CACNA1A: variants seen among roughly 807,000 people sequenced by gnomAD.
CACNA1A encodes voltage-dependent P/Q-type calcium channel subunit alpha-1A.
CACNA1A carries 57 observed loss-of-function variants against 262.4 expected under a neutral mutation model. The observed-to-expected ratio is 0.22, with a 90% confidence interval of 0.18 to 0.27. CACNA1A has a LOEUF of 0.27. Ranked by LOEUF, CACNA1A falls within the 10% of genes least tolerant of loss-of-function variation. The pLI, the probability that CACNA1A is intolerant of heterozygous loss-of-function variation, is 1.00. For synonymous variants in CACNA1A, 1,431 were observed against 1,419.3 expected (o/e 1.01, Z -0.18); for missense variants, 2,526 against 3,562.8 (o/e 0.71, Z 7.41).
At chr19:13,415,204 G>A (rs182778568) in intron 3 of CACNA1A, among the ~76,000 whole-genome samples, 16 of 152,092 alleles carry the variant, frequency 1.1e-4, no homozygotes, top group South Asian at 4.2e-4. Context: ...GTCTTCCTCC[G>A]AGACAGAGAG....
At chr19:13,309,882 C>T (rs1037807201) in intron 12 of CACNA1A, among the ~76,000 whole-genome samples, 1 of 152,110 alleles carries the variant, frequency 6.6e-6, no homozygotes, top group Non-Finnish European at 1.5e-5. Context: ...CCTTTAGGTA[C>T]ATGCACAATA....
At chr19:13,234,868 G>T in intron 34 of CACNA1A, 53 bp downstream of exon 34, 2 of 1,219,870 alleles carry the variant, frequency 1.6e-6, no homozygotes, top group Non-Finnish European at 2.4e-6. Context: ...AAGGATGAAG[G>T]CAGGCACCCC....
chr19:13,221,212 T>TTTTTCTTTTTTC (rs2055203929), intron 38 of CACNA1A, among the ~76,000 whole-genome samples: 1 of 40,956 alleles, frequency 2.4e-5, no homozygotes, highest in African/African-American at 1.3e-4. Flanking sequence ...TCCCATTTGT[T>TTTTTCTTTTTTC]TTTTCTTTTC....
chr19:13,395,835 C>G lies in CACNA1A; in HGVS notation c.540-24056G>C, dbSNP rs10409733. On this transcript the variant is annotated intron_variant, in intron 3 of 46. Coordinates refer to ENST00000360228, the MANE Select transcript of CACNA1A (RefSeq NM_001127222.2). The stretch of plus-strand genomic sequence containing the variant: ...ACCAAGGAGAACCAAGAGAGCCCCC[C>G]CTCCATTCCAGAGAGGGTCTTGTCC... Among the ~76,000 whole-genome samples, 785 of 151,552 alleles carry G rather than the reference C, an allele frequency of 5.2e-3. 7 individuals carry two copies. The highest frequency in any genetic ancestry group is 0.016 in the African/African-American group (658 of 41,300).
At chr19:13,298,355 T>C (rs567428695) in intron 19 of CACNA1A, among the ~76,000 whole-genome samples, 189 bp downstream of exon 19, 6 of 146,382 alleles carry the variant, frequency 4.1e-5, no homozygotes, top group Non-Finnish European at 9.0e-5. Context: ...GGTCTTGAAC[T>C]CCTGACCTCG....
At chr19:13,342,502 C>A (rs757441364) in intron 6 of CACNA1A, among the ~76,000 whole-genome samples, 3 of 152,174 alleles carry the variant, frequency 2.0e-5, no homozygotes, top group Non-Finnish European at 4.4e-5. Context: ...TCCAAGGGCT[C>A]AAAGACTTCC....
intron 6 of CACNA1A, among the ~76,000 whole-genome samples, chr19:13,348,850 C>T (rs1330277750): frequency 1.3e-5 from 2 of 151,188 alleles, no homozygotes; most frequent in South Asian, 2.1e-4. Flanking sequence ...AAAACAAAAC[C>T]CCCCAAAATT....
intron 3 of CACNA1A, among the ~76,000 whole-genome samples, chr19:13,442,824 G>A (rs2144886936): frequency 6.6e-6 from 1 of 152,260 alleles, no homozygotes; most frequent in Admixed American, 6.5e-5. Context: ...ATCAGGGAGG[G>A]GAAGGAAGGA....
chr19:13,400,224 A>G (rs954204397), intron 3 of CACNA1A, among the ~76,000 whole-genome samples: 1 of 152,040 alleles, frequency 6.6e-6, no homozygotes, highest in Non-Finnish European at 1.5e-5. Context: ...GCAAGCTCTC[A>G]TGTGTGTGCA....
At chr19:13,503,711 T>C (rs1982671314) in intron 1 of CACNA1A, among the ~76,000 whole-genome samples, 1 of 138,728 alleles carries the variant, frequency 7.2e-6, no homozygotes, top group Non-Finnish European at 1.5e-5. Flanking sequence ...CGATGACAGA[T>C]TGTGAGGTGG....
intron 1 of CACNA1A, among the ~76,000 whole-genome samples, chr19:13,461,033 G>C (rs1281108965): frequency 6.6e-6 from 1 of 151,994 alleles, no homozygotes; most frequent in Non-Finnish European, 1.5e-5. Flanking sequence ...CTATATAGTA[G>C]ATGCTCAAAA....
chr19:13,298,600 G>A lies in CACNA1A; in HGVS notation c.3033C>T (p.Ala1011=), dbSNP rs2144952263. ...CCCTCCGCGCGTCCCCCTCGTACGT[G>A]GCTGGAGCGCCATGCCGGTGCCTTC... is the stretch of plus-strand genomic sequence containing the variant. ...RRRRHRHGAP[A]TYEGDARRED... Residue 1011 remains alanine, a synonymous_variant, in exon 19 of 47, where the codon GCC becomes GCT. Coordinates refer to ENST00000360228, the MANE Select transcript of CACNA1A (RefSeq NM_001127222.2). 2.6e-6 allele frequency: 4 copies of A among 1,539,958 alleles called. No homozygotes were observed. The highest frequency in any genetic ancestry group is 3.5e-6 in the Non-Finnish European group (4 of 1,141,580).
At chr19:13,290,282 G>A (rs2057502630) in intron 19 of CACNA1A, among the ~76,000 whole-genome samples, 1 of 152,024 alleles carries the variant, frequency 6.6e-6, no homozygotes, top group African/African-American at 2.4e-5. Flanking sequence ...ATCTTGGACA[G>A]TCCACAAAGA....
chr19:13,215,700 T>C (rs1248284141), intron 38 of CACNA1A, among the ~76,000 whole-genome samples: 1 of 150,482 alleles, frequency 6.6e-6, no homozygotes, highest in Non-Finnish European at 1.5e-5. Context: ...CACTGTTACC[T>C]CCGCCTCCCA....
chr19:13,270,963 A>G (rs1191416161), intron 24 of CACNA1A, among the ~76,000 whole-genome samples: 3 of 152,192 alleles, frequency 2.0e-5, no homozygotes, highest in Non-Finnish European at 4.4e-5. Flanking sequence ...GGATGGCCTG[A>G]AATCCCTATC....
chr19:13,425,498 T>A (rs1697077017), intron 3 of CACNA1A, among the ~76,000 whole-genome samples: 1 of 152,230 alleles, frequency 6.6e-6, no homozygotes, highest in African/African-American at 2.4e-5. Context: ...GAAGTTAATT[T>A]ACTCCCGTCT....
At chr19:13,239,198 C>T (rs1176937114) in intron 31 of CACNA1A, among the ~76,000 whole-genome samples, 1 of 152,116 alleles carries the variant, frequency 6.6e-6, no homozygotes, top group Non-Finnish European at 1.5e-5. Flanking sequence ...TCCCCAGCCC[C>T]GGGTCCTGTC....
chr19:13,349,951 T>C (rs1269101000), intron 6 of CACNA1A, among the ~76,000 whole-genome samples: 1 of 152,146 alleles, frequency 6.6e-6, no homozygotes, highest in Admixed American at 6.5e-5. Context: ...GAGGCCCGTC[T>C]AGTGGGCATG....
intron 38 of CACNA1A, among the ~76,000 whole-genome samples, chr19:13,218,264 A>G (rs1270925764): frequency 6.6e-6 from 1 of 151,914 alleles, no homozygotes; most frequent in Non-Finnish European, 1.5e-5. Flanking sequence ...ATAATTTTCC[A>G]TACAGTTCAT....
Sources: gnomAD v4.1 joint callset for allele counts (sites outside exome capture counted in the v4.1 genomes callset) on GRCh38, gnomAD v4.1.1 for gene constraint, MANE v1.5 for transcripts, NCBI Gene and HGNC (gene_info 2026-07-23, HGNC 2026-07-21) for gene names.